GCA: variants seen among roughly 807,000 people sequenced by gnomAD.
The protein encoded by GCA is grancalcin, EF-hand calcium-binding protein.
GCA carries 30 observed loss-of-function variants against 32.6 expected under a neutral mutation model. The observed-to-expected ratio is 0.92, with a 90% CI of 0.69 to 1.25. The LOEUF is 1.25. GCA is among the 50% of genes most tolerant of loss of function. The pLI is 0.00. For missense variants in GCA, 291 were observed against 266.8 expected (o/e 1.09, Z -0.63); for synonymous variants, 102 against 84.6 (o/e 1.21, Z -1.13).
At chr2:162,331,954 T>TC (rs1684100030) in intron 1 of GCA, among the ~76,000 whole-genome samples, 3 of 152,206 alleles carry the variant, frequency 2.0e-5, no homozygotes, top group Non-Finnish European at 4.4e-5. Flanking sequence ...GCTAAATTCA[T>TC]TGGCCTGGGC....
At chr2:162,345,722 A>G (rs570189422) in intron 1 of GCA, among the ~76,000 whole-genome samples, 96 of 152,360 alleles carry the variant, frequency 6.3e-4, no homozygotes, top group Non-Finnish European at 5.9e-4. Context: ...CTGAAGCAAT[A>G]TATAGATTAG....
intron 1 of GCA, among the ~76,000 whole-genome samples, chr2:162,330,292 C>A (rs969841986): frequency 6.6e-6 from 1 of 152,230 alleles, no homozygotes; most frequent in African/African-American, 2.4e-5. Context: ...CTCCCACCAA[C>A]AGTATGTAAG....
At chr2:162,357,286 A>G (rs1685328136) in intron 5 of GCA, among the ~76,000 whole-genome samples, 1 of 151,858 alleles carries the variant, frequency 6.6e-6, no homozygotes, top group Admixed American at 6.6e-5. Flanking sequence ...GGTAGAAACC[A>G]TGTTTTTGTC....
At chr2:162,327,956 G>T (rs577396257) in intron 1 of GCA, among the ~76,000 whole-genome samples, 2 of 152,368 alleles carry the variant, frequency 1.3e-5, no homozygotes, top group East Asian at 3.9e-4. Context: ...CGTGCTGGCA[G>T]TCCTCACAGC....
At chr2:162,327,026 A>G (rs1245566782) in intron 1 of GCA, among the ~76,000 whole-genome samples, 8 of 152,080 alleles carry the variant, frequency 5.3e-5, no homozygotes, top group African/African-American at 1.9e-4. Context: ...TCTCCTTGCT[A>G]TTGGCAAACT....
chr2:162,343,857 A>G (rs1287847574), upstream of GCA, among the ~76,000 whole-genome samples: 1 of 152,218 alleles, frequency 6.6e-6, no homozygotes, highest in African/African-American at 2.4e-5. Context: ...ACCTTTCCAC[A>G]GAGAGTGGGA....
downstream of GCA, among the ~76,000 whole-genome samples, chr2:162,363,797 A>C (rs905640476): frequency 6.6e-6 from 1 of 151,436 alleles, no homozygotes. Flanking sequence ...TATACTTAGC[A>C]TTCCTTTTTT....
At chr2:162,366,121 T>G (rs1685740334), downstream of GCA, among the ~76,000 whole-genome samples, 1 of 151,748 alleles carries the variant, frequency 6.6e-6, no homozygotes, top group Non-Finnish European at 1.5e-5. Context: ...TTTTACATCT[T>G]TCAAAACATA....
rs774864031 is a variant in GCA at position 162,360,605 on chromosome 2, T to C, written c.*362T>C. 13 of 1,200,472 alleles carry C rather than the reference T, an allele frequency of 1.1e-5. No individual in the cohort carries two copies. Among genetic ancestry groups the C allele is most frequent in the African/African-American group, 1.6e-5 (1 of 63,450 alleles). 74.4% of individuals were successfully genotyped at this position (1,200,472 alleles called of 1,614,324 possible). ...CAAATAATGAAAGCCTAGAAAAAAC[T>C]AATTTATACTTATCTGAAGGTTACA... On this transcript the variant is annotated 3_prime_UTR_variant, in exon 8 of 8. Coordinates refer to ENST00000437150, the MANE Select transcript of GCA (RefSeq NM_012198.5).
chr2:162,350,702 G>A (rs561322977), intron 2 of GCA, among the ~76,000 whole-genome samples: 2 of 152,104 alleles, frequency 1.3e-5, no homozygotes, highest in East Asian at 1.9e-4. Context: ...CAATAAATTC[G>A]CTATGTTTGA....
At chr2:162,326,950 T>G (rs1683907014) in intron 1 of GCA, among the ~76,000 whole-genome samples, 1 of 152,198 alleles carries the variant, frequency 6.6e-6, no homozygotes, top group Non-Finnish European at 1.5e-5. Context: ...AAAAATGAGG[T>G]ATGTACCCAT....
At chr2:162,331,512 C>T (rs1179982201) in intron 1 of GCA, among the ~76,000 whole-genome samples, 1 of 152,172 alleles carries the variant, frequency 6.6e-6, no homozygotes, top group East Asian at 1.9e-4. Flanking sequence ...ACCATGAGGG[C>T]TGTGGCCTAG....
At chr2:162,352,884 C>G (rs1685072916) in intron 3 of GCA, among the ~76,000 whole-genome samples, 1 of 152,116 alleles carries the variant, frequency 6.6e-6, no homozygotes, top group Non-Finnish European at 1.5e-5. Context: ...TTTTTACTAT[C>G]TGAATGCTGC....
In GCA at chr2:162,361,081, T is replaced by A. The variant is rs1046683673; in HGVS notation, c.*838T>A. ...ATTGTTGTTTAAATGTAATGTCAAC[T>A]CTTTATAAACTTAAAAATAAACAAG... On this transcript the variant is annotated 3_prime_UTR_variant, in exon 8 of 8. Transcript: ENST00000437150. The A allele has an allele frequency of 2.0e-5, 19 of 948,660 alleles. No homozygotes were observed. The highest frequency in any genetic ancestry group is 3.4e-4 in the Middle Eastern group (1 of 2,976). 58.8% of individuals were successfully genotyped at this position (948,660 alleles called of 1,614,324 possible).
Position 162,359,380 on chromosome 2 carries a change from A to G in GCA, c.569-114A>G, listed in dbSNP as rs562966626. On this transcript the variant is annotated intron_variant, in intron 6 of 7. Coordinates refer to ENST00000437150, the MANE Select transcript of GCA (RefSeq NM_012198.5). Reference sequence around the variant, plus strand: ...ATATCTCTGTTGCCAGGGCTATTCAATCACTTAATATTTAATTGAATATGA... The same window carrying G: ...ATATCTCTGTTGCCAGGGCTATTCAGTCACTTAATATTTAATTGAATATGA... The G allele has an allele frequency of 8.1e-4, 484 of 596,586 alleles. 9 individuals carry two copies. The South Asian group carries it at 0.011, about 14-fold the overall frequency. 37.0% of individuals were successfully genotyped at this position (596,586 alleles called of 1,614,324 possible). A position where few individuals can be genotyped will look rare whatever the true frequency, so the allele number is the denominator to read the frequency against.
chr2:162,373,458 A>G (rs1576314518), downstream of GCA: 1 of 1,500,546 alleles, frequency 6.7e-7, no homozygotes, highest in Non-Finnish European at 8.9e-7. Context: ...GTTGGATGGT[A>G]TCCACACTTA....
chr2:162,367,131 TCATTTTGGATACTGGGGCTTAC>T (rs1685777613), downstream of GCA, among the ~76,000 whole-genome samples: 1 of 151,874 alleles, frequency 6.6e-6, no homozygotes, highest in Non-Finnish European at 1.5e-5. Context: ...CCATTTTTTA[TCATTTTGGATACTGGGGCTTAC>T]TCTGGGTTTG....
chr2:162,344,836 T>C (rs753762211), intron 1 of GCA, among the ~76,000 whole-genome samples: 1 of 152,178 alleles, frequency 6.6e-6, no homozygotes, highest in East Asian at 1.9e-4. Context: ...TTGCAAGTTA[T>C]AATCGTAGAG....
rs1685595512 is a variant in GCA at position 162,362,056 on chromosome 2, C to T, written c.*1813C>T. 1.0e-6 allele frequency: 1 copy of T among 982,624 alleles called. No individual in the cohort carries two copies. Among genetic ancestry groups the T allele is most frequent in the Non-Finnish European group, 1.2e-6 (1 of 827,626 alleles). 60.9% of individuals were successfully genotyped at this position (982,624 alleles called of 1,614,324 possible). A position where few individuals can be genotyped will look rare whatever the true frequency, so the allele number is the denominator to read the frequency against. ...CACTCTATATTAGAACTCTTTAACA[C>T]AATTTTCATTTAAAAATGTTCTTAT... On this transcript the variant is annotated 3_prime_UTR_variant, in exon 8 of 8. Transcript: ENST00000437150.
Sources: allele counts gnomAD v4.1 joint callset (sites outside exome capture counted in the v4.1 genomes callset), GRCh38; gene constraint gnomAD v4.1.1; transcripts MANE v1.5; gene names NCBI Gene and HGNC (gene_info 2026-07-23, HGNC 2026-07-21).